SEC14L6: variants seen among roughly 807,000 people sequenced by gnomAD.
SEC14L6 encodes the protein SEC14-like protein 6.
SEC14L6 carries 40 observed loss-of-function variants against 54.1 expected under a neutral mutation model. The ratio of observed to expected loss-of-function variants is 0.74; its 90% CI spans 0.57 to 0.96. The LOEUF is 0.96. SEC14L6 is among the 40% of genes least tolerant of loss of function. The pLI is 0.00. For missense variants in SEC14L6, 471 were observed against 498.3 expected (o/e 0.95, Z 0.52); for synonymous variants, 171 against 198.4 (o/e 0.86, Z 1.16).
At chr22:30,529,268 A>G (rs1936888572) in intron 7 of SEC14L6, 21 bp downstream of exon 7, 3 of 1,549,710 alleles carry the variant, frequency 1.9e-6, no homozygotes, top group Non-Finnish European at 8.7e-7. Flanking sequence ...ACTCATGCAT[A>G]TCCTGGGCTG....
At chr22:30,537,576 C>G (rs2085621560) in intron 2 of SEC14L6, among the ~76,000 whole-genome samples, 1 of 152,174 alleles carries the variant, frequency 6.6e-6, no homozygotes, top group Non-Finnish European at 1.5e-5. Context: ...CTGATGTCAG[C>G]CTGGGCTTCA....
intron 8 of SEC14L6, among the ~76,000 whole-genome samples, chr22:30,528,558 G>C (rs990622465): frequency 5.3e-5 from 8 of 151,248 alleles, no homozygotes; most frequent in Admixed American, 1.3e-4. Context: ...AGAGTAGCTG[G>C]GACTATAGGT....
At chr22:30,532,082 C>CACTG (rs1369629933) in intron 5 of SEC14L6, 84 bp from the exon 6 acceptor site, 7 of 1,499,974 alleles carry the variant, frequency 4.7e-6, no homozygotes, top group Admixed American at 4.6e-5. Context: ...AAGCCCAGGG[C>CACTG]ACTGGCCTGG....
At chr22:30,542,808 C>A in intron 1 of SEC14L6, 2 of 1,594,708 alleles carry the variant, frequency 1.3e-6, no homozygotes, top group Non-Finnish European at 1.7e-6. Context: ...GGAAATTAAT[C>A]TACCATCAAA....
chr22:30,529,184 C>T lies in SEC14L6; in HGVS notation c.581-14G>A, dbSNP rs1277514128. ...ATAGCTTGGGGGCTGAAACCAGGCA[C>T]AGAACTGCTCCCTCAGGCGGCTGGC... On this transcript the variant is annotated splice_polypyrimidine_tract_variant and intron_variant, in intron 7 of 11. Coordinates refer to ENST00000402034, the MANE Select transcript of SEC14L6 (RefSeq NM_001193336.4). The T allele has an allele frequency of 1.3e-6, 2 of 1,550,826 alleles. No homozygotes were observed. Among genetic ancestry groups the T allele is most frequent in the Admixed American group, 2.0e-5 (1 of 50,992 alleles).
At chr22:30,542,825 G>T in intron 1 of SEC14L6, 2 of 1,595,738 alleles carry the variant, frequency 1.3e-6, no homozygotes, top group East Asian at 2.2e-5. Context: ...CAAAAAGAAG[G>T]CCACTTCCCC....
Position 30,525,472 on chromosome 22 carries a change from A to T in SEC14L6, c.959T>A (p.Leu320Gln). The change falls in exon 11 of 12, where the codon CTG becomes CAG. Residue 320 changes from leucine to glutamine, a missense_variant. Coordinates refer to ENST00000402034, the MANE Select transcript of SEC14L6 (RefSeq NM_001193336.4). ...DGGDIGFGVF[L>Q]KTKMGERQRA... ...CTGCCGCTCCCCCATCTTGGTCTTC[A>T]GGAAAACCCCAAAGCCAATGTCCCC... 6.2e-7 allele frequency: 1 copy of T among 1,614,108 alleles called. No homozygotes were observed. The highest frequency in any genetic ancestry group is 8.5e-7 in the Non-Finnish European group (1 of 1,180,010).
chr22:30,546,342 C>T (rs1266966662), intron 1 of SEC14L6, among the ~76,000 whole-genome samples: 1 of 140,682 alleles, frequency 7.1e-6, no homozygotes, highest in Non-Finnish European at 1.5e-5. Flanking sequence ...AAGATTGTGC[C>T]GTTGTACTCC....
intron 2 of SEC14L6, among the ~76,000 whole-genome samples, chr22:30,537,342 C>T (rs2085617372): frequency 6.6e-6 from 1 of 152,092 alleles, no homozygotes; most frequent in South Asian, 2.1e-4. Flanking sequence ...TAGCCAGGCA[C>T]GGTGGCTCAT....
intron 1 of SEC14L6, chr22:30,544,131 C>G: frequency 6.4e-6 from 8 of 1,255,322 alleles, no homozygotes; most frequent in Non-Finnish European, 9.1e-6. Context: ...TCTTCCTTGT[C>G]CCACAAGGAG....
chr22:30,542,217 C>T (rs1025638379), intron 1 of SEC14L6, among the ~76,000 whole-genome samples: 8 of 152,342 alleles, frequency 5.3e-5, no homozygotes, highest in Middle Eastern at 3.4e-3. Context: ...CGGTCCCCTC[C>T]GGCCCGCACC....
At chr22:30,537,497 T>C (rs1358561712) in intron 2 of SEC14L6, among the ~76,000 whole-genome samples, 3 of 152,122 alleles carry the variant, frequency 2.0e-5, no homozygotes, top group Non-Finnish European at 2.9e-5. Flanking sequence ...CGAGCTCCTA[T>C]AGTCCCAGCT....
intron 6 of SEC14L6, among the ~76,000 whole-genome samples, chr22:30,530,586 A>C (rs1936937499): frequency 6.6e-6 from 1 of 152,130 alleles, no homozygotes; most frequent in African/African-American, 2.4e-5. Context: ...TTTTGTAGAG[A>C]TAGGGTCTTG....
Position 30,529,327 on chromosome 22 carries a change from T to G in SEC14L6, c.542A>C (p.Asn181Thr), listed in dbSNP as rs112068496. The G allele has an allele frequency of 3.2e-5, 50 of 1,550,556 alleles. No individual in the cohort carries two copies. The African/African-American group carries it at 3.6e-4, about 11-fold the overall frequency. ...TAAACTCTTCAAGATCTCAGGGTAA[T>G]TTGCTTCAAGTGCTGAGAAAAACTG... ...LQEFFSALEANYPEILKSLIV... is the reference protein window; with the variant it reads ...LQEFFSALEATYPEILKSLIV... The change falls in exon 7 of 12, where the codon AAT becomes ACT. Residue 181 changes from asparagine (N) to threonine (T), a missense_variant. Asn to Thr is a moderately conservative substitution (Grantham distance 65, BLOSUM62 0). Coordinates refer to ENST00000402034, the MANE Select transcript of SEC14L6 (RefSeq NM_001193336.4).
chr22:30,538,750 T>A, intron 2 of SEC14L6, 77 bp downstream of exon 2: 1 of 962,826 alleles, frequency 1.0e-6, no homozygotes. Context: ...TGGAGTAATT[T>A]GATACACTCA....
intron 2 of SEC14L6, among the ~76,000 whole-genome samples, chr22:30,536,483 G>A (rs961821708): frequency 6.6e-6 from 1 of 152,210 alleles, no homozygotes; most frequent in Non-Finnish European, 1.5e-5. Flanking sequence ...CTGGGATTCT[G>A]ACATTTATCT....
chr22:30,533,181 T>C, intron 3 of SEC14L6: 2 of 964,860 alleles, frequency 2.1e-6, no homozygotes, highest in Non-Finnish European at 2.4e-6. Flanking sequence ...TGACTTCCAG[T>C]TGCCCTTAAG....
At chr22:30,536,892 C>T (rs1173699738) in intron 2 of SEC14L6, among the ~76,000 whole-genome samples, 5 of 151,648 alleles carry the variant, frequency 3.3e-5, no homozygotes, top group Non-Finnish European at 4.4e-5. Context: ...GTTGTGGTGG[C>T]GGGCACCTGT....
rs771434235 is a variant in SEC14L6, at chr22:30,525,872, C to T, written c.725G>A (p.Gly242Glu). ...ISPDQLPVEFGGTMTDPDGNP... is the reference protein window; with the variant it reads ...ISPDQLPVEFEGTMTDPDGNP... ...GCCATCGGGGTCAGTCATGGTCCCC[C>T]CAAACTCCACGGGCAGCTGGTCGGG... The change falls in exon 9 of 12, where the codon GGG becomes GAG. Residue 242 changes from glycine to glutamate, a missense_variant. By Grantham distance (98) the Gly-to-Glu change is moderately conservative. Transcript: ENST00000402034. The T allele has an allele frequency of 9.7e-5, 156 of 1,613,576 alleles. No homozygotes were observed. Among genetic ancestry groups the T allele is most frequent in the Non-Finnish European group, 1.2e-4 (141 of 1,179,752 alleles).
Sources: gnomAD v4.1 joint callset for allele counts (sites outside exome capture counted in the v4.1 genomes callset) on GRCh38, gnomAD v4.1.1 for gene constraint, MANE v1.5 for transcripts, NCBI Gene and HGNC (gene_info 2026-07-23, HGNC 2026-07-21) for gene names.